ACTL8: variants seen among roughly 807,000 people sequenced by gnomAD.
ACTL8 encodes actin-like protein 8.
In ACTL8, 3 loss-of-function variants were observed where a neutral mutation model predicts 9.3. The observed-to-expected ratio is 0.32, with a 90% CI of 0.15 to 0.83. The LOEUF (loss-of-function observed/expected upper bound fraction) is 0.83. Among genes scored for constraint, ACTL8 ranks in the 40% least tolerant of loss-of-function variants. The pLI is 0.57. For missense variants in ACTL8, 381 were observed against 492.2 expected, an observed-to-expected ratio of 0.77 and a Z score of 2.14; for synonymous variants, 224 against 205.9, an observed-to-expected ratio of 1.09 and a Z score of -0.75.
intron 1 of ACTL8, among the ~76,000 whole-genome samples, chr1:17,789,407 G>T (rs764322992): frequency 1.3e-5 from 2 of 152,126 alleles, no homozygotes; most frequent in African/African-American, 2.4e-5. Context: ...TGTTATTCTA[G>T]CCCCCTTTTT....
At chr1:17,764,317 A>G (rs916476449) in intron 1 of ACTL8, among the ~76,000 whole-genome samples, 2 of 152,128 alleles carry the variant, frequency 1.3e-5, no homozygotes, top group African/African-American at 2.4e-5. Context: ...AGGTTGAGAC[A>G]CCCTCAAGCT....
At chr1:17,798,741 C>T (rs1457898454) in intron 1 of ACTL8, among the ~76,000 whole-genome samples, 3 of 152,192 alleles carry the variant, frequency 2.0e-5, no homozygotes, top group African/African-American at 7.2e-5. Context: ...TGGCCAAGGA[C>T]CCTCTCTGGT....
chr1:17,781,429 T>G (rs6586581), intron 1 of ACTL8, among the ~76,000 whole-genome samples: 62,735 of 151,482 alleles, frequency 0.41, 13,395 homozygotes, highest in East Asian at 0.64. Context: ...AGTAGAGACG[T>G]GGTTTTGCCA....
At position 17,826,607 on chromosome 1, in the gene ACTL8, T is replaced by G; in HGVS notation, c.*88T>G. The G allele has an allele frequency of 7.6e-7, 1 of 1,310,610 alleles. No individual in the cohort carries two copies. The highest frequency in any genetic ancestry group is 1.0e-6 in the Non-Finnish European group (1 of 987,058). The allele number at this position is 1,310,610 out of a possible 1,614,324, so 81.2% of individuals were successfully genotyped here. ...CAAAATGTTCTGGGTGGGGGTAGAA[T>G]GAGGTGGGGTGGGGTGAGCTGGCTT... On this transcript the variant is annotated 3_prime_UTR_variant, in exon 3 of 3. Coordinates refer to ENST00000375406, the MANE Select transcript of ACTL8 (RefSeq NM_030812.3). This position sits in a 1 kb window ranked among gnomAD's most constrained non-coding sequence, Gnocchi z 4.5.
chr1:17,800,270 A>G (rs2066311228), intron 1 of ACTL8, among the ~76,000 whole-genome samples: 1 of 152,210 alleles, frequency 6.6e-6, no homozygotes, highest in Admixed American at 6.5e-5. Context: ...ATCTGATTCA[A>G]TTCTAAAATA....
intron 1 of ACTL8, among the ~76,000 whole-genome samples, chr1:17,806,549 G>C (rs1387961071): frequency 6.6e-6 from 1 of 152,224 alleles, no homozygotes; most frequent in Admixed American, 6.5e-5. Context: ...CTTAGCGCTT[G>C]GTCCCCAGGA....
rs537799907 is a variant in ACTL8, at chr1:17,823,871, A to G, written c.348+515A>G. ...CCTGCAGACGGACATGCAGCAACCA[A>G]CGTGCTTGGTGGAAAGGGGGTTACC... On this transcript the variant is annotated intron_variant, in intron 2 of 2. Coordinates refer to ENST00000375406, the MANE Select transcript of ACTL8 (RefSeq NM_030812.3). This position sits in a 1 kb window ranked among gnomAD's most constrained non-coding sequence, Gnocchi z 5.3. 1.3e-5 allele frequency among the ~76,000 whole-genome samples: 2 copies of G among 152,310 alleles called. No homozygotes were observed. The highest frequency in any genetic ancestry group is 2.1e-4 in the South Asian group (1 of 4,826).
At chr1:17,819,923 T>A (rs1217787121) in intron 1 of ACTL8, among the ~76,000 whole-genome samples, 5 of 151,942 alleles carry the variant, frequency 3.3e-5, no homozygotes, top group Admixed American at 6.6e-5. Context: ...GTGGGAGGAT[T>A]GCTTGAGCCC....
At chr1:17,791,425 C>A (rs2066238483) in intron 1 of ACTL8, among the ~76,000 whole-genome samples, 1 of 148,488 alleles carries the variant, frequency 6.7e-6, no homozygotes, top group South Asian at 2.1e-4. Flanking sequence ...TCCAGGGCCA[C>A]ACAATTAGGG....
At chr1:17,818,184 T>C (rs976694356) in intron 1 of ACTL8, among the ~76,000 whole-genome samples, 1 of 152,228 alleles carries the variant, frequency 6.6e-6, no homozygotes, top group African/African-American at 2.4e-5. Context: ...TACTTTATTC[T>C]TCCAGCTTTT....
At chr1:17,785,827 AT>A (rs1433724496) in intron 1 of ACTL8, among the ~76,000 whole-genome samples, 2 of 152,198 alleles carry the variant, frequency 1.3e-5, no homozygotes, top group Non-Finnish European at 2.9e-5. Flanking sequence ...TTAATTTGTT[AT>A]CTCACCATTT....
intron 1 of ACTL8, among the ~76,000 whole-genome samples, chr1:17,787,973 T>G (rs1439585395): frequency 6.6e-6 from 1 of 152,188 alleles, no homozygotes; most frequent in Non-Finnish European, 1.5e-5. Flanking sequence ...CATTGTTGCT[T>G]TCCATTTTCA....
chr1:17,803,449 G>C (rs950686035), intron 1 of ACTL8, among the ~76,000 whole-genome samples: 1 of 152,196 alleles, frequency 6.6e-6, no homozygotes, highest in African/African-American at 2.4e-5. Context: ...TCCTGCCTCA[G>C]TTTTCTCAGT....
Position 17,813,831 on chromosome 1 carries a change from T to C in ACTL8, c.-24-9154T>C, listed in dbSNP as rs530057506. 9.8e-5 allele frequency among the ~76,000 whole-genome samples: 15 copies of C among 152,336 alleles called. No homozygotes were observed. The South Asian group carries it at 2.5e-3, about 25-fold the overall frequency. Reference sequence around the variant, plus strand: ...TATTTAAATATATATTTCTTCTTGATTGAGCTTTGGTACTTTATGTCTTTA... The same window carrying C: ...TATTTAAATATATATTTCTTCTTGACTGAGCTTTGGTACTTTATGTCTTTA... On this transcript the variant is annotated intron_variant, in intron 1 of 2. Coordinates refer to ENST00000375406, the MANE Select transcript of ACTL8 (RefSeq NM_030812.3).
intron 1 of ACTL8, among the ~76,000 whole-genome samples, chr1:17,778,946 G>C (rs543400035): frequency 1.3e-5 from 2 of 152,242 alleles, no homozygotes; most frequent in Non-Finnish European, 2.9e-5. Flanking sequence ...ACACAGGCCC[G>C]ACCCGGGTCA....
intron 1 of ACTL8, among the ~76,000 whole-genome samples, chr1:17,791,986 T>G (rs545621272): frequency 1.3e-5 from 2 of 151,514 alleles, no homozygotes; most frequent in African/African-American, 4.9e-5. Context: ...ATCCTTGGCT[T>G]GGGATCCTGC....
chr1:17,796,305 C>CGTGT (rs2066276384), intron 1 of ACTL8, among the ~76,000 whole-genome samples: 1 of 49,108 alleles, frequency 2.0e-5, no homozygotes, highest in South Asian at 9.3e-4. Flanking sequence ...CATGCGTGCA[C>CGTGT]CTGTGTGTGT....
intron 1 of ACTL8, among the ~76,000 whole-genome samples, chr1:17,763,465 A>G (rs1418874192): frequency 6.6e-6 from 1 of 151,990 alleles, no homozygotes; most frequent in African/African-American, 2.4e-5. Context: ...TCCCATCTCA[A>G]ACTCGGGGTG....
At chr1:17,819,747 A>G (rs1415416763) in intron 1 of ACTL8, among the ~76,000 whole-genome samples, 1 of 152,050 alleles carries the variant, frequency 6.6e-6, no homozygotes, top group Non-Finnish European at 1.5e-5. Context: ...TTTTTTTACT[A>G]GGGCCAGGTG....
Sources: allele counts gnomAD v4.1 joint callset (sites outside exome capture counted in the v4.1 genomes callset), GRCh38; gene constraint gnomAD v4.1.1; non-coding constraint Gnocchi (gnomAD v3.1); transcripts MANE v1.5; gene names NCBI Gene and HGNC (gene_info 2026-07-23, HGNC 2026-07-21).